MAP1B: variants seen among roughly 807,000 people sequenced by gnomAD.
MAP1B encodes the protein microtubule associated protein 1B, also known as microtubule-associated protein 1B.
In MAP1B, 12 loss-of-function variants were observed where a neutral mutation model predicts 176.1. The ratio of observed to expected loss-of-function variants is 0.07; its 90% CI spans 0.04 to 0.11. The LOEUF is 0.11. Ranked by LOEUF, MAP1B falls within the 10% of genes least tolerant of loss-of-function variation. The probability of loss-of-function intolerance (pLI) is 1.00; values close to 1 mark genes in which losing one functional copy is unlikely to be tolerated. For missense variants in MAP1B, 2,523 were observed against 2,990.5 expected, an observed-to-expected ratio of 0.84 and a Z score of 3.65; for synonymous variants, 1,044 against 1,135.0, an observed-to-expected ratio of 0.92 and a Z score of 1.61.
In MAP1B at chr5:72,199,726, C is replaced by T. The variant is rs1289815343; in HGVS notation, c.6371C>T (p.Thr2124Ile). ...ACTGAAGAATCTGAAAAGCCCCTCA[C>T]TCAATCAGGGGGAGCCCCACCGCCT... ...EPTEESEKPL[T>I]QSGGAPPPPG... Residue 2124 changes from threonine (T) to isoleucine (I), a missense_variant, in exon 5 of 7, where the codon ACT (threonine) becomes ATT (isoleucine). Thr to Ile is a moderately conservative substitution (Grantham distance 89). Transcript: ENST00000296755. This position sits in a 1 kb window ranked among gnomAD's most constrained non-coding sequence, Gnocchi z 4.2. 7 of 1,614,148 alleles carry T rather than the reference C, an allele frequency of 4.3e-6. No homozygotes were observed. Among genetic ancestry groups the T allele is most frequent in the Non-Finnish European group, 5.9e-6 (7 of 1,180,026 alleles).
rs759772358 is a variant in MAP1B, at chr5:72,200,357, C to T, written c.7002C>T (p.Thr2334=). The change falls in exon 5 of 7, where the codon ACC becomes ACT. Residue 2334 remains threonine (T), a synonymous_variant. Coordinates refer to ENST00000296755, the MANE Select transcript of MAP1B (RefSeq NM_005909.5). ...CCTCTGCATCCAAGTCGGCCAAGAC[C>T]GCCACTGCAGGTAGGTTGAGAAGGC... The part of the protein sequence containing the change: ...ANASASKSAK[T]ATAGPGTTKT... 88 of 1,613,446 alleles carry T rather than the reference C, an allele frequency of 5.5e-5. 1 individual carries two copies. Among genetic ancestry groups the T allele is most frequent in the Admixed American group, 1.8e-4 (11 of 59,952 alleles).
chr5:72,143,088 CGTGA>C (rs1369018733), intron 2 of MAP1B, among the ~76,000 whole-genome samples: 2 of 151,778 alleles, frequency 1.3e-5, no homozygotes, highest in Admixed American at 6.6e-5. Flanking sequence ...TGAGTGTGTG[CGTGA>C]GTGTGTGCAG....
At position 72,209,062 on chromosome 5, in the gene MAP1B, T is replaced by TA; in HGVS notation, c.*3829dup. On this transcript the variant is annotated 3_prime_UTR_variant, in exon 7 of 7. Transcript: ENST00000296755. ...ACCTGGTATTAAAACTATTTACTGT[T>TA]AAAAAATCTGTGACTTCATGAAGTT... 1 of 152,286 alleles carries TA rather than the reference T, an allele frequency of 6.6e-6. No individual in the cohort carries two copies. Among genetic ancestry groups the TA allele is most frequent in the South Asian group, 2.1e-4 (1 of 4,824 alleles). 9.4% of individuals were successfully genotyped at this position (152,286 alleles called of 1,614,324 possible). A position where few individuals can be genotyped will look rare whatever the true frequency, so the allele number is the denominator to read the frequency against.
At chr5:72,113,508 T>G (rs539938326) in intron 1 of MAP1B, among the ~76,000 whole-genome samples, 1 of 152,316 alleles carries the variant, frequency 6.6e-6, no homozygotes, top group Admixed American at 6.5e-5. Flanking sequence ...AACATTTAAT[T>G]GTGTGTGCCA....
intron 2 of MAP1B, among the ~76,000 whole-genome samples, chr5:72,168,467 G>A (rs1191556366): frequency 6.6e-6 from 1 of 152,148 alleles, no homozygotes; most frequent in African/African-American, 2.4e-5. Context: ...CATACATATG[G>A]ATCATTGCAT....
intron 2 of MAP1B, among the ~76,000 whole-genome samples, chr5:72,144,375 G>A (rs887310650): frequency 1.3e-5 from 2 of 152,004 alleles, no homozygotes; most frequent in African/African-American, 2.4e-5. Context: ...GCTTTCCCTC[G>A]CTCTACCTTT....
intron 2 of MAP1B, among the ~76,000 whole-genome samples, chr5:72,172,045 G>A (rs148049889): frequency 6.6e-6 from 1 of 152,344 alleles, no homozygotes; most frequent in African/African-American, 2.4e-5. Context: ...AAGGCTTTAT[G>A]TCAAATCCTG....
intron 2 of MAP1B, among the ~76,000 whole-genome samples, chr5:72,169,901 A>G (rs1428065081): frequency 6.6e-6 from 1 of 152,228 alleles, no homozygotes; most frequent in Non-Finnish European, 1.5e-5. Context: ...CCCTGAGGAA[A>G]TAAAAATATG....
chr5:72,182,278 TA>T (rs1346137640), intron 2 of MAP1B, among the ~76,000 whole-genome samples: 1 of 152,224 alleles, frequency 6.6e-6, no homozygotes, highest in African/African-American at 2.4e-5. Context: ...ATCTACTCTC[TA>T]ACTCTATAAA....
In MAP1B at chr5:72,198,050, A is replaced by T. The variant is rs2227917; in HGVS notation, c.4695A>T (p.Pro1565=). The change falls in exon 5 of 7, where the codon CCA becomes CCT. Residue 1565 remains proline, a synonymous_variant. Coordinates refer to ENST00000296755, the MANE Select transcript of MAP1B (RefSeq NM_005909.5). ...ASVATSSFPE[P]TTDDVSPSLH... is the part of the protein sequence containing the mutation. Reference sequence around the variant, plus strand: ...TGGCTACGAGCTCATTTCCAGAGCCAACAACAGATGATGTGTCTCCATCTC... The same window carrying T: ...TGGCTACGAGCTCATTTCCAGAGCCTACAACAGATGATGTGTCTCCATCTC... 1.0e-2 allele frequency: 16,084 copies of T among 1,614,156 alleles called. 1,416 individuals are homozygous for T. The African/African-American group carries it at 0.19, about 19-fold the overall frequency.
intron 2 of MAP1B, among the ~76,000 whole-genome samples, chr5:72,181,560 A>G (rs944363141): frequency 2.6e-5 from 4 of 151,566 alleles, no homozygotes. Flanking sequence ...CTCTTTTTTT[A>G]TTTTATCAAG....
At chr5:72,126,383 A>G (rs140274367) in intron 2 of MAP1B, among the ~76,000 whole-genome samples, 421 of 152,346 alleles carry the variant, frequency 2.8e-3, no homozygotes, top group African/African-American at 9.5e-3. Context: ...AAAGAATTTC[A>G]TGGTGACTTA....
At chr5:72,179,063 C>A (rs1326698349) in intron 2 of MAP1B, among the ~76,000 whole-genome samples, 1 of 152,140 alleles carries the variant, frequency 6.6e-6, no homozygotes, top group Non-Finnish European at 1.5e-5. Context: ...GCCCCTCCTG[C>A]TTCGAGGGTC....
chr5:72,151,814 T>C (rs1164545885), intron 2 of MAP1B, among the ~76,000 whole-genome samples: 2 of 152,230 alleles, frequency 1.3e-5, no homozygotes, highest in Non-Finnish European at 2.9e-5. Flanking sequence ...TAAATAATCA[T>C]TGTGTCATCA....
rs773416571 is a variant in MAP1B, at chr5:72,196,031, T to C, written c.2676T>C (p.Pro892=). 39 of 1,614,168 alleles carry C rather than the reference T, an allele frequency of 2.4e-5. No homozygotes were observed. The South Asian group carries it at 2.6e-4, about 11-fold the overall frequency. ...REVTKGPAES[P]DEGITTTEGE... ...TCACCAAAGGTCCTGCCGAGTCCCC[T>C]GATGAGGGAATCACTACCACTGAAG... is the stretch of plus-strand genomic sequence containing the variant. The change falls in exon 5 of 7, where the codon CCT becomes CCC. Residue 892 remains proline (P), a synonymous_variant. Transcript: ENST00000296755. This position sits in a 1 kb window ranked among gnomAD's most constrained non-coding sequence, Gnocchi z 5.3.
At chr5:72,152,443 G>GTTTTA (rs1224121683) in intron 2 of MAP1B, among the ~76,000 whole-genome samples, 17 of 152,166 alleles carry the variant, frequency 1.1e-4, no homozygotes, top group Middle Eastern at 3.4e-3. Flanking sequence ...TCCCATGGTT[G>GTTTTA]TTTTATTTTA....
At chr5:72,109,007 C>A (rs572124701) in intron 1 of MAP1B, among the ~76,000 whole-genome samples, 38 of 152,318 alleles carry the variant, frequency 2.5e-4, no homozygotes, top group African/African-American at 7.9e-4. Context: ...TCTACGGCAG[C>A]CCGAGGCGGA....
intron 2 of MAP1B, among the ~76,000 whole-genome samples, chr5:72,147,857 A>G (rs997767056): frequency 6.6e-6 from 1 of 152,192 alleles, no homozygotes; most frequent in Non-Finnish European, 1.5e-5. Flanking sequence ...TGCTGTCTGC[A>G]CTGACAGATT....
chr5:72,149,350 G>A (rs776659739), intron 2 of MAP1B, among the ~76,000 whole-genome samples: 6 of 152,160 alleles, frequency 3.9e-5, no homozygotes, highest in Non-Finnish European at 7.4e-5. Context: ...ATTCCCTTTC[G>A]GGAAAATGTA....
Sources: gnomAD v4.1 joint callset for allele counts (sites outside exome capture counted in the v4.1 genomes callset) on GRCh38, gnomAD v4.1.1 for gene constraint, Gnocchi (gnomAD v3.1) non-coding constraint, MANE v1.5 for transcripts, NCBI Gene and HGNC (gene_info 2026-07-23, HGNC 2026-07-21) for gene names.